The following BAZ2B variants were observed in gnomAD, a reference collection of about 807,000 sequenced individuals.
BAZ2B encodes the protein bromodomain adjacent to zinc finger domain protein 2B.
Under a neutral mutation model 246.0 loss-of-function variants are expected in BAZ2B, and 91 were observed. The observed-to-expected ratio is 0.37, with a 90% CI of 0.31 to 0.44. The LOEUF is 0.44. Ranked by LOEUF, BAZ2B falls within the 20% of genes least tolerant of loss-of-function variation. The pLI, the probability that BAZ2B is intolerant of heterozygous loss-of-function variation, is 1.00. For synonymous variants in BAZ2B, 855 were observed against 860.0 expected, an observed-to-expected ratio of 0.99 and a Z score of 0.10; for missense variants, 2,332 against 2,533.7, an observed-to-expected ratio of 0.92 and a Z score of 1.71.
At chr2:159,418,920 G>C (rs1409067968) in intron 13 of BAZ2B, among the ~76,000 whole-genome samples, 2 of 152,008 alleles carry the variant, frequency 1.3e-5, no homozygotes, top group African/African-American at 2.4e-5. Flanking sequence ...CCTTGCCTCT[G>C]GTAGTAAAAT....
chr2:159,600,806 CAT>C (rs760949707), intron 1 of BAZ2B, among the ~76,000 whole-genome samples: 26 of 152,194 alleles, frequency 1.7e-4, no homozygotes, highest in Non-Finnish European at 3.1e-4. Flanking sequence ...TCTTGGGACA[CAT>C]GTTTGCAGAG....
chr2:159,428,497 T>C lies in BAZ2B; in HGVS notation c.2256-78A>G, dbSNP rs573273270. 8.5e-5 allele frequency: 90 copies of C among 1,060,514 alleles called. No homozygotes were observed. In the African/African-American group the frequency reaches 1.1e-3, roughly 13 times the overall value. The allele number at this position is 1,060,514 out of a possible 1,614,324, so 65.7% of individuals were successfully genotyped here. On this transcript the variant is annotated intron_variant, in intron 11 of 36. Coordinates refer to ENST00000392783, the MANE Select transcript of BAZ2B (RefSeq NM_013450.4). ...TAAAAATTAAAAATAAGTTAAAGTA[T>C]ACATGTTCTCTAGAAAACATAAAAA...
chr2:159,325,356 C>A (rs927713862), intron 35 of BAZ2B, among the ~76,000 whole-genome samples: 2 of 150,824 alleles, frequency 1.3e-5, no homozygotes, highest in Non-Finnish European at 2.9e-5. Context: ...GTCTTGAACT[C>A]CTGACCTCAG....
At chr2:159,519,626 A>G (rs2083896911) in intron 2 of BAZ2B, among the ~76,000 whole-genome samples, 1 of 150,826 alleles carries the variant, frequency 6.6e-6, no homozygotes, top group African/African-American at 2.4e-5. Context: ...GCAAAAGATA[A>G]AACATTGGTA....
intron 13 of BAZ2B, among the ~76,000 whole-genome samples, chr2:159,415,702 A>G (rs2067589142): frequency 6.6e-6 from 1 of 152,198 alleles, no homozygotes; most frequent in Non-Finnish European, 1.5e-5. Flanking sequence ...CACTAGAAGA[A>G]ACTGTGCAAC....
At chr2:159,459,421 T>A (rs1326692483) in intron 3 of BAZ2B, 1 of 152,230 alleles carries the variant, frequency 6.6e-6, no homozygotes, top group Non-Finnish European at 1.5e-5. Flanking sequence ...TTGCTCCAAT[T>A]GCAAAAGTCA....
chr2:159,662,823 C>G, the BAZ2B span, among the ~76,000 whole-genome samples: 1 of 152,090 alleles, frequency 6.6e-6, no homozygotes, highest in Non-Finnish European at 1.5e-5. Flanking sequence ...TGAGCCACTG[C>G]GCCCAGCCCT....
At chr2:159,627,763 C>G in the BAZ2B span, among the ~76,000 whole-genome samples, 1 of 152,116 alleles carries the variant, frequency 6.6e-6, no homozygotes, top group Non-Finnish European at 1.5e-5. Context: ...CAGCACAAGA[C>G]AAGGATGCCC....
chr2:159,650,440 CA>C, the BAZ2B span, among the ~76,000 whole-genome samples: 4 of 152,068 alleles, frequency 2.6e-5, no homozygotes, highest in African/African-American at 4.8e-5. Context: ...ACTATTGATG[CA>C]AGATCTTTTA....
intron 6 of BAZ2B, among the ~76,000 whole-genome samples, chr2:159,445,790 G>GT (rs1260082239): frequency 6.6e-6 from 1 of 152,100 alleles, no homozygotes; most frequent in Non-Finnish European, 1.5e-5. Flanking sequence ...CAGCCACAGC[G>GT]TAAGAAAAAG....
At position 159,332,544 on chromosome 2, in the gene BAZ2B, G is replaced by A. The variant is rs753710397; in HGVS notation, c.5939C>T (p.Ala1980Val). 4.3e-6 allele frequency: 7 copies of A among 1,612,624 alleles called. 1 individual carries two copies. In the South Asian group the frequency reaches 7.7e-5, roughly 18 times the overall value. The change falls in exon 34 of 37, where the codon GCT (alanine) becomes GTT (valine). Residue 1980 changes from alanine to valine, a missense_variant. Transcript: ENST00000392783. The stretch of plus-strand genomic sequence containing the variant: ...TTAGTTTTAGATTGGTCTTACCTTA[G>A]CAATGCAAGCTGGACAAAACCAGTC... ...DGDWFCPACI[A>V]KASGQTLKIK...
intron 3 of BAZ2B, among the ~76,000 whole-genome samples, chr2:159,472,281 T>C (rs138270593): frequency 1.5e-3 from 235 of 152,382 alleles, no homozygotes; most frequent in African/African-American, 5.5e-3. Flanking sequence ...ATAAAAATGC[T>C]TGTGATTTTT....
At chr2:159,558,093 A>G (rs576151804) in intron 1 of BAZ2B, among the ~76,000 whole-genome samples, 4 of 152,316 alleles carry the variant, frequency 2.6e-5, no homozygotes, top group African/African-American at 7.2e-5. Flanking sequence ...GAACAAGGAT[A>G]GCAAAAAAGT....
intron 31 of BAZ2B, among the ~76,000 whole-genome samples, chr2:159,343,172 T>C (rs1049503969): frequency 6.6e-6 from 1 of 152,136 alleles, no homozygotes; most frequent in African/African-American, 2.4e-5. Context: ...GTGAAAAGAA[T>C]AGTCTCTTCA....
intron 36 of BAZ2B, among the ~76,000 whole-genome samples, chr2:159,323,125 C>T (rs2062932454): frequency 6.6e-6 from 1 of 151,732 alleles, no homozygotes; most frequent in African/African-American, 2.4e-5. Flanking sequence ...GCTGGGACTA[C>T]AGGCATACAC....
chr2:159,699,108 T>C, the BAZ2B span, among the ~76,000 whole-genome samples: 2 of 152,172 alleles, frequency 1.3e-5, no homozygotes, highest in Non-Finnish European at 2.9e-5. Flanking sequence ...TATAGGGTGG[T>C]AGCAGACACA....
At chr2:159,700,667 G>A in the BAZ2B span, among the ~76,000 whole-genome samples, 3 of 152,252 alleles carry the variant, frequency 2.0e-5, no homozygotes, top group African/African-American at 4.8e-5. Context: ...GGCTGGTCTC[G>A]AACTCCTGAC....
chr2:159,502,663 G>A (rs928009718), intron 2 of BAZ2B, among the ~76,000 whole-genome samples: 1 of 151,926 alleles, frequency 6.6e-6, no homozygotes, highest in Non-Finnish European at 1.5e-5. Context: ...TCTCTCAATG[G>A]TACTCAATGA....
intron 34 of BAZ2B, among the ~76,000 whole-genome samples, chr2:159,331,921 G>A (rs1002483135): frequency 2.0e-5 from 3 of 152,234 alleles, no homozygotes; most frequent in Non-Finnish European, 4.4e-5. Context: ...AAGACAAACC[G>A]AAAGTCCTGG....
Sources: allele counts gnomAD v4.1 joint callset (sites outside exome capture counted in the v4.1 genomes callset), GRCh38; gene constraint gnomAD v4.1.1; transcripts MANE v1.5; gene names NCBI Gene and HGNC (gene_info 2026-07-23, HGNC 2026-07-21).